RERE: variants seen among roughly 807,000 people sequenced by gnomAD.
RERE encodes arginine-glutamic acid dipeptide repeats protein.
A neutral mutation model predicts 146.1 loss-of-function variants in RERE; 40 were observed. The ratio of observed to expected loss-of-function variants is 0.27; its 90% CI spans 0.21 to 0.36. The LOEUF is 0.36. Ranked by LOEUF, RERE falls within the 10% of genes least tolerant of loss-of-function variation. RERE has a pLI of 1.00. For synonymous variants in RERE, 1,003 were observed against 866.0 expected (o/e 1.16, Z -2.78); for missense variants, 1,933 against 2,138.7 (o/e 0.90, Z 1.90).
chr1:8,740,446 G>A (rs1432436494), intron 1 of RERE, among the ~76,000 whole-genome samples: 1 of 152,154 alleles, frequency 6.6e-6, no homozygotes, highest in African/African-American at 2.4e-5. Flanking sequence ...TAAACACTGT[G>A]TGCTTAGGTT....
chr1:8,570,005 C>A (rs1646199880), intron 4 of RERE, among the ~76,000 whole-genome samples: 1 of 152,078 alleles, frequency 6.6e-6, no homozygotes, highest in Non-Finnish European at 1.5e-5. Context: ...AGTCAAAGAA[C>A]ATGGGTTATA....
intron 1 of RERE, among the ~76,000 whole-genome samples, chr1:8,709,500 C>T (rs1639625787): frequency 6.6e-6 from 1 of 152,096 alleles, no homozygotes; most frequent in Admixed American, 6.6e-5. Context: ...TTACCAGGCT[C>T]TTCTCTAGAA....
At chr1:8,574,764 A>T (rs1646269548) in intron 4 of RERE, among the ~76,000 whole-genome samples, 1 of 152,214 alleles carries the variant, frequency 6.6e-6, no homozygotes, top group Admixed American at 6.5e-5. Flanking sequence ...TCACAGCAGT[A>T]GTTACGCAGT....
chr1:8,553,524 A>C (rs180685418), intron 6 of RERE, among the ~76,000 whole-genome samples: 1 of 152,324 alleles, frequency 6.6e-6, no homozygotes, highest in African/African-American at 2.4e-5. Context: ...TGACCAAACA[A>C]CCACCTGTCA....
At chr1:8,702,793 G>C (rs1045797276) in intron 1 of RERE, among the ~76,000 whole-genome samples, 1 of 152,028 alleles carries the variant, frequency 6.6e-6, no homozygotes, top group Non-Finnish European at 1.5e-5. Context: ...AATGTTTTCT[G>C]TTCGATTTAA....
chr1:8,356,090 G>C lies in RERE; in HGVS notation c.4486+10C>G, dbSNP rs1473527313. 3 of 1,490,808 alleles carry C rather than the reference G, an allele frequency of 2.0e-6. No homozygotes were observed. The highest frequency in any genetic ancestry group is 2.6e-5 in the Admixed American group (1 of 38,908). 92.3% of individuals were successfully genotyped at this position (1,490,808 alleles called of 1,614,324 possible). ...CGGCCTCCCCGCCCCTCCTGGAGGG[G>C]AAGTCTTACCGAAAACTGGGTGGCG... On this transcript the variant is annotated intron_variant, in intron 21 of 22. Coordinates refer to ENST00000400908, the MANE Select transcript of RERE (RefSeq NM_001042681.2). The surrounding 1 kb of genome is among the most constrained non-coding windows in gnomAD (Gnocchi z 5.2).
chr1:8,729,615 G>A (rs890121567), intron 1 of RERE, among the ~76,000 whole-genome samples: 1 of 152,192 alleles, frequency 6.6e-6, no homozygotes, highest in East Asian at 1.9e-4. Flanking sequence ...AACCTGAAAA[G>A]ACTAAATATT....
intron 2 of RERE, among the ~76,000 whole-genome samples, chr1:8,635,403 G>A (rs1647085063): frequency 6.6e-6 from 1 of 152,182 alleles, no homozygotes; most frequent in African/African-American, 2.4e-5. Flanking sequence ...AGTATTTAAA[G>A]TATCTAAATG....
At chr1:8,468,477 T>C (rs1382025373) in intron 10 of RERE, among the ~76,000 whole-genome samples, 1 of 152,152 alleles carries the variant, frequency 6.6e-6, no homozygotes, top group Non-Finnish European at 1.5e-5. Context: ...AAAGCACACA[T>C]TTTAGTGATA....
At chr1:8,556,806 AC>A (rs2124424186) in intron 5 of RERE, among the ~76,000 whole-genome samples, 1 of 152,240 alleles carries the variant, frequency 6.6e-6, no homozygotes, top group South Asian at 2.1e-4. Context: ...CCTTAGTAAG[AC>A]CCTATATTTT....
At chr1:8,721,819 C>G (rs1639869730) in intron 1 of RERE, among the ~76,000 whole-genome samples, 1 of 152,176 alleles carries the variant, frequency 6.6e-6, no homozygotes, top group Non-Finnish European at 1.5e-5. Flanking sequence ...TAGCTAACCT[C>G]AAAACTCAAA....
rs1640805634 is a variant in RERE at position 8,764,150 on chromosome 1, T to TC, written c.-145+53009dup. ...TTCCCTTTCCCTCATCACTGCCTCC[T>TC]CCAGGTCAAAGAATATCCCCAGGGC... is the stretch of plus-strand genomic sequence containing the variant. On this transcript the variant is annotated intron_variant, in intron 1 of 22. Coordinates refer to ENST00000400908, the MANE Select transcript of RERE (RefSeq NM_001042681.2). 2.6e-5 allele frequency among the ~76,000 whole-genome samples: 4 copies of TC among 152,204 alleles called. No individual in the cohort carries two copies. The South Asian group carries it at 8.3e-4, about 32-fold the overall frequency.
intron 1 of RERE, among the ~76,000 whole-genome samples, chr1:8,690,467 C>A (rs1025597240): frequency 6.6e-6 from 1 of 152,198 alleles, no homozygotes; most frequent in Non-Finnish European, 1.5e-5. Flanking sequence ...CTCGCCTACA[C>A]AATTTCTTTA....
intron 1 of RERE, among the ~76,000 whole-genome samples, chr1:8,790,952 G>A (rs903721217): frequency 2.0e-5 from 3 of 152,160 alleles, no homozygotes; most frequent in Non-Finnish European, 4.4e-5. Flanking sequence ...ACCAAACACT[G>A]TGTCCCTTTC....
chr1:8,434,245 T>C (rs1272434319), intron 11 of RERE, among the ~76,000 whole-genome samples: 10 of 152,180 alleles, frequency 6.6e-5, no homozygotes, highest in Admixed American at 6.5e-4. Flanking sequence ...ATGTCCCAGC[T>C]GACTCTTCTG....
At chr1:8,739,889 A>G (rs1459541271) in intron 1 of RERE, among the ~76,000 whole-genome samples, 1 of 150,910 alleles carries the variant, frequency 6.6e-6, no homozygotes, top group Non-Finnish European at 1.5e-5. Flanking sequence ...TATTGTTAAT[A>G]ATAGTGTTAA....
intron 2 of RERE, among the ~76,000 whole-genome samples, chr1:8,652,419 A>C (rs1443900168): frequency 9.9e-5 from 15 of 152,234 alleles, no homozygotes; most frequent in Admixed American, 9.8e-4. Flanking sequence ...TCTGTAAATA[A>C]GTCCTTAGCA....
intron 7 of RERE, among the ~76,000 whole-genome samples, chr1:8,537,168 C>CA (rs531470644): frequency 6.6e-6 from 1 of 152,178 alleles, no homozygotes; most frequent in Non-Finnish European, 1.5e-5. Context: ...CACGCCACTA[C>CA]ACTCCAGCTG....
chr1:8,599,695 T>C (rs977308214), intron 4 of RERE, among the ~76,000 whole-genome samples: 1 of 152,138 alleles, frequency 6.6e-6, no homozygotes, highest in African/African-American at 2.4e-5. Flanking sequence ...TAATGAAACA[T>C]TGTAAGAAGG....
Sources: allele counts gnomAD v4.1 joint callset (sites outside exome capture counted in the v4.1 genomes callset), GRCh38; gene constraint gnomAD v4.1.1; non-coding constraint Gnocchi (gnomAD v3.1); transcripts MANE v1.5; gene names NCBI Gene and HGNC (gene_info 2026-07-23, HGNC 2026-07-21).